CCDC30: variants seen among roughly 807,000 people sequenced by gnomAD.
The protein encoded by CCDC30 is coiled-coil domain-containing protein 30.
Under a neutral mutation model 100.2 loss-of-function variants are expected in CCDC30, and 70 were observed. The observed-to-expected ratio is 0.70, with a 90% CI of 0.58 to 0.85. The LOEUF (loss-of-function observed/expected upper bound fraction) is 0.85. Among genes scored for constraint, CCDC30 ranks in the 40% least tolerant of loss-of-function variants. The pLI, the probability that CCDC30 is intolerant of heterozygous loss-of-function variation, is 0.00. For missense variants in CCDC30, 652 were observed against 771.2 expected, an observed-to-expected ratio of 0.85 and a Z score of 1.83; for synonymous variants, 233 against 269.5, an observed-to-expected ratio of 0.86 and a Z score of 1.33.
At chr1:42,582,341 G>A (rs1296902723) in intron 9 of CCDC30, among the ~76,000 whole-genome samples, 1 of 152,200 alleles carries the variant, frequency 6.6e-6, no homozygotes, top group Non-Finnish European at 1.5e-5. Context: ...AATCCTGGGA[G>A]TTTAACCATA....
chr1:42,480,779 C>T (rs1643943762), intron 2 of CCDC30, among the ~76,000 whole-genome samples: 1 of 152,228 alleles, frequency 6.6e-6, no homozygotes, highest in South Asian at 2.1e-4. Context: ...TGGCTAATTA[C>T]AAATCAGCTT....
chr1:42,654,231 A>G (rs998391553), downstream of CCDC30: 3 of 544,464 alleles, frequency 5.5e-6, no homozygotes, highest in African/African-American at 5.7e-5. Context: ...CCTTGTATTG[A>G]CCAAAATATT....
chr1:42,500,367 G>T, intron 6 of CCDC30: 1 of 1,452,994 alleles, frequency 6.9e-7, no homozygotes, highest in South Asian at 1.1e-5. Context: ...GGAGTGAGGT[G>T]CGTGAGAACG....
At chr1:42,650,497 A>ATATATG (rs1181889086) in intron 15 of CCDC30, among the ~76,000 whole-genome samples, 4 of 136,196 alleles carry the variant, frequency 2.9e-5, no homozygotes, top group African/African-American at 5.6e-5. Flanking sequence ...AAAAATATAT[A>ATATATG]TGTGTGTGTG....
chr1:42,585,877 T>A (rs1016859287), intron 9 of CCDC30, among the ~76,000 whole-genome samples: 1 of 152,192 alleles, frequency 6.6e-6, no homozygotes, highest in Admixed American at 6.5e-5. Context: ...ATAATATCAG[T>A]TTAAACAGTT....
rs1393385235 is a variant in CCDC30, at chr1:42,556,403, C to T, written c.457-9893C>T. On this transcript the variant is annotated intron_variant, in intron 6 of 16. Transcript: ENST00000668663. ...GGATAGTTCAGATGACAGTGGTGCC[C>T]AGGTAGGTGCTATAAACACATGCCC... 14 of 1,604,322 alleles carry T rather than the reference C, an allele frequency of 8.7e-6. No individual in the cohort carries two copies. The South Asian group carries it at 8.9e-5, about 10-fold the overall frequency.
chr1:42,471,555 A>T (rs543211998), intron 1 of CCDC30, among the ~76,000 whole-genome samples: 2 of 152,300 alleles, frequency 1.3e-5, no homozygotes, highest in African/African-American at 4.8e-5. Flanking sequence ...TAGTCCTCAT[A>T]GGATGCTATG....
At chr1:42,553,349 C>T (rs1645294033) in intron 6 of CCDC30, among the ~76,000 whole-genome samples, 1 of 151,976 alleles carries the variant, frequency 6.6e-6, no homozygotes, top group Non-Finnish European at 1.5e-5. Flanking sequence ...GCTGGTCTGC[C>T]TTCTTCTTTC....
exon 4 of CCDC30, chr1:42,490,211 G>A: frequency 8.3e-7 from 1 of 1,211,402 alleles, no homozygotes; most frequent in Non-Finnish European, 1.0e-6. Context: ...GGAAAATTTG[G>A]TAAAGCTGAA....
Position 42,562,896 on chromosome 1 carries a change from A to G in CCDC30, c.457-3400A>G, listed in dbSNP as rs549406586. Among the ~76,000 whole-genome samples, 3 of 152,322 alleles carry G rather than the reference A, an allele frequency of 2.0e-5. No individual in the cohort carries two copies. The East Asian group carries it at 5.8e-4, about 29-fold the overall frequency. Reference sequence around the variant, plus strand: ...CATCAGAGAAATGCAAATCAAAACCACAATGAGATACCATCTCATGCCAGT... The same window carrying G: ...CATCAGAGAAATGCAAATCAAAACCGCAATGAGATACCATCTCATGCCAGT... On this transcript the variant is annotated intron_variant, in intron 6 of 16. Transcript: ENST00000668663.
At chr1:42,548,751 A>G (rs1001023451) in intron 6 of CCDC30, among the ~76,000 whole-genome samples, 3 of 152,146 alleles carry the variant, frequency 2.0e-5, no homozygotes, top group African/African-American at 7.2e-5. Context: ...GGTGGTCTCT[A>G]TGGGACTTGC....
At chr1:42,459,945 G>T, upstream of CCDC30, 1 of 1,566,896 alleles carries the variant, frequency 6.4e-7, no homozygotes, top group South Asian at 1.2e-5. Flanking sequence ...GCCCTTATAG[G>T]ATCAAAAATT....
intron 4 of CCDC30, among the ~76,000 whole-genome samples, chr1:42,490,782 A>G (rs1477966208): frequency 6.6e-6 from 1 of 152,186 alleles, no homozygotes; most frequent in Non-Finnish European, 1.5e-5. Flanking sequence ...CAGTAGCTAC[A>G]TTAAGTATCA....
intron 11 of CCDC30, among the ~76,000 whole-genome samples, chr1:42,613,317 C>T (rs529876713): frequency 1.2e-4 from 18 of 152,228 alleles, no homozygotes; most frequent in African/African-American, 3.9e-4. Context: ...TGCAGTGGCA[C>T]GATCTCGGCT....
At chr1:42,598,662 A>G (rs1028969747) in intron 10 of CCDC30, among the ~76,000 whole-genome samples, 4 of 152,206 alleles carry the variant, frequency 2.6e-5, no homozygotes, top group Non-Finnish European at 5.9e-5. Context: ...TAATCACTTT[A>G]GACATCAATG....
chr1:42,470,620 A>T (rs1643739106), intron 1 of CCDC30, among the ~76,000 whole-genome samples: 1 of 152,244 alleles, frequency 6.6e-6, no homozygotes, highest in Non-Finnish European at 1.5e-5. Context: ...ATGGAATATT[A>T]TTCAATCTTA....
intron 4 of CCDC30, among the ~76,000 whole-genome samples, chr1:42,493,638 T>C (rs564836401): frequency 6.6e-6 from 1 of 151,830 alleles, no homozygotes; most frequent in African/African-American, 2.4e-5. Flanking sequence ...ATAGAGTAAA[T>C]CAGTGGAACC....
chr1:42,456,737 G>C, the CCDC30 span: 5 of 1,610,874 alleles, frequency 3.1e-6, no homozygotes, highest in Admixed American at 5.0e-5. Flanking sequence ...GCGCTTCCTG[G>C]ACAACTTCAG....
intron 11 of CCDC30, among the ~76,000 whole-genome samples, chr1:42,617,973 A>G (rs1037421156): frequency 6.6e-6 from 1 of 152,238 alleles, no homozygotes; most frequent in African/African-American, 2.4e-5. Flanking sequence ...AGTTGGGCCT[A>G]CACCTAGGAA....
Sources: allele counts gnomAD v4.1 joint callset (sites outside exome capture counted in the v4.1 genomes callset), GRCh38; gene constraint gnomAD v4.1.1; transcripts MANE v1.5; gene names NCBI Gene and HGNC (gene_info 2026-07-23, HGNC 2026-07-21).